Variants in CUX2 observed in about 807,000 individuals in gnomAD.
CUX2 encodes cut like homeobox 2.
In CUX2, 40 loss-of-function variants were observed where a neutral mutation model predicts 144.8. The ratio of observed to expected loss-of-function variants is 0.28; its 90% CI spans 0.21 to 0.36. CUX2 has a LOEUF of 0.36. Among genes scored for constraint, CUX2 ranks in the 10% least tolerant of loss-of-function variants. The pLI is 1.00. For synonymous variants in CUX2, 827 were observed against 875.6 expected (o/e 0.94, Z 0.98); for missense variants, 1,615 against 1,994.0 (o/e 0.81, Z 3.62).
chr12:111,239,758 G>GA (rs201779569), intron 3 of CUX2, among the ~76,000 whole-genome samples: 2,737 of 152,230 alleles, frequency 0.018, 79 homozygotes, highest in African/African-American at 0.062. Context: ...GTGGGGTGGG[G>GA]GAATGGCACC....
At position 111,328,237 on chromosome 12, in the gene CUX2, G is replaced by T. The variant is rs567903154; in HGVS notation, c.2926+5657G>T. 3.3e-5 allele frequency among the ~76,000 whole-genome samples: 5 copies of T among 152,258 alleles called. No individual in the cohort carries two copies. The East Asian group carries it at 7.7e-4, about 24-fold the overall frequency. On this transcript the variant is annotated intron_variant, in intron 18 of 21. Coordinates refer to ENST00000261726, the MANE Select transcript of CUX2 (RefSeq NM_015267.4). ...CCACAAAGTCCCACAGAGTCTGGCT[G>T]TGGGGCTGGGTGTCAGGACCTGTCC...
chr12:111,139,700 G>A (rs1055540055), intron 1 of CUX2, among the ~76,000 whole-genome samples: 1 of 152,200 alleles, frequency 6.6e-6, no homozygotes, highest in Non-Finnish European at 1.5e-5. Context: ...AGGAATAGTT[G>A]TATGCACTGC....
rs140424046 is a variant in CUX2, at chr12:111,120,427, G to A, written c.63+86187G>A. ...CTTCCCCTTAAAACCACAAATAGCCGGGCTTCAGCATCTGCCGTGGACATC... is the reference window on the plus strand; with the variant it reads ...CTTCCCCTTAAAACCACAAATAGCCAGGCTTCAGCATCTGCCGTGGACATC... On this transcript the variant is annotated intron_variant, in intron 1 of 21. Transcript: ENST00000261726. Among the ~76,000 whole-genome samples, 47 of 152,116 alleles carry A rather than the reference G, an allele frequency of 3.1e-4. No homozygotes were observed. The East Asian group carries it at 7.7e-3, about 25-fold the overall frequency.
Position 111,304,185 on chromosome 12 carries a change from G to A in CUX2, c.754-25G>A, listed in dbSNP as rs757341617. On this transcript the variant is annotated intron_variant, in intron 9 of 21. Transcript: ENST00000261726. This position sits in a 1 kb window ranked among gnomAD's most constrained non-coding sequence, Gnocchi z 4.7. Reference sequence around the variant, plus strand: ...GAAGTGCAGAGTGGGCTCACCTCTCGCCCACACTGTCCCCTTCTCCCCAGC... The same window carrying A: ...GAAGTGCAGAGTGGGCTCACCTCTCACCCACACTGTCCCCTTCTCCCCAGC... The A allele has an allele frequency of 1.9e-5, 31 of 1,590,110 alleles. No individual in the cohort carries two copies. Among genetic ancestry groups the A allele is most frequent in the Middle Eastern group, 1.8e-4 (1 of 5,510 alleles).
Position 111,081,130 on chromosome 12 carries a change from G to A in CUX2, c.63+46890G>A, listed in dbSNP as rs114048578. On this transcript the variant is annotated intron_variant, in intron 1 of 21. Transcript: ENST00000261726. ...CCTCAGCCCTCACCATGCTGTCACC[G>A]TTTCCGATTGACTGCTGCAGTGGTG... Among the ~76,000 whole-genome samples, 328 of 152,238 alleles carry A rather than the reference G, an allele frequency of 2.2e-3. 3 individuals carry two copies. The highest frequency in any genetic ancestry group is 7.4e-3 in the African/African-American group (309 of 41,550).
rs997478487 is a variant in CUX2, at chr12:111,348,776, G to A, written c.*451G>A. 3.2e-5 allele frequency: 5 copies of A among 158,312 alleles called. No individual in the cohort carries two copies. The highest frequency in any genetic ancestry group is 1.9e-4 in the South Asian group (1 of 5,150). 9.8% of individuals were successfully genotyped at this position (158,312 alleles called of 1,614,324 possible). On this transcript the variant is annotated 3_prime_UTR_variant, in exon 22 of 22. Coordinates refer to ENST00000261726, the MANE Select transcript of CUX2 (RefSeq NM_015267.4). ...GCGAAGTATACACTGAAGTTGTGTCGTTTTTGCCACTAGATGAGATTAAAA... is the reference window on the plus strand; with the variant it reads ...GCGAAGTATACACTGAAGTTGTGTCATTTTTGCCACTAGATGAGATTAAAA...
chr12:111,323,893 C>CA (rs1486443637), intron 18 of CUX2, among the ~76,000 whole-genome samples: 13 of 152,070 alleles, frequency 8.5e-5, no homozygotes, highest in African/African-American at 3.1e-4. Context: ...CTCATCTCTA[C>CA]AAATAAAAAA....
chr12:111,204,378 TG>T (rs1240123791), intron 1 of CUX2, among the ~76,000 whole-genome samples: 3 of 152,230 alleles, frequency 2.0e-5, no homozygotes, highest in Non-Finnish European at 4.4e-5. Context: ...GCGCAGGACC[TG>T]GGTCTGTCTT....
Position 111,348,477 on chromosome 12 carries a change from A to C in CUX2, c.*152A>C, listed in dbSNP as rs1353909097. On this transcript the variant is annotated 3_prime_UTR_variant, in exon 22 of 22. Coordinates refer to ENST00000261726, the MANE Select transcript of CUX2 (RefSeq NM_015267.4). Reference sequence around the variant, plus strand: ...CGTTTACGTTTTTTGTTGTAATCCTAGTTCTATGAAGCTGTGTGAGCAGGT... The same window carrying C: ...CGTTTACGTTTTTTGTTGTAATCCTCGTTCTATGAAGCTGTGTGAGCAGGT... 1.3e-6 allele frequency: 1 copy of C among 751,806 alleles called. No individual in the cohort carries two copies. Among genetic ancestry groups the C allele is most frequent in the East Asian group, 2.7e-5 (1 of 36,770 alleles). The allele number at this position is 751,806 out of a possible 1,614,324, so 46.6% of individuals were successfully genotyped here.
chr12:111,258,722 A>G (rs762955812), intron 3 of CUX2, among the ~76,000 whole-genome samples: 2 of 151,980 alleles, frequency 1.3e-5, no homozygotes, highest in African/African-American at 4.8e-5. Context: ...GTCTCATTCT[A>G]TTGCTCAGGC....
At position 111,320,075 on chromosome 12, in the gene CUX2, C is replaced by T. The variant is rs868529535; in HGVS notation, c.2066C>T (p.Ser689Leu). 2 of 1,554,212 alleles carry T rather than the reference C, an allele frequency of 1.3e-6. No homozygotes were observed. Among genetic ancestry groups the T allele is most frequent in the East Asian group, 2.4e-5 (1 of 42,402 alleles). The change falls in exon 17 of 22, where the codon TCG becomes TTG. Residue 689 changes from serine to leucine, a missense_variant. Physicochemically the swap from Ser to Leu is moderately radical, Grantham distance 145. Transcript: ENST00000261726. The surrounding 1 kb of genome is among the most constrained non-coding windows in gnomAD (Gnocchi z 8.1). ...IANGTTPAST[S>L]EDAIKSILEQ... Reference sequence around the variant, plus strand: ...AACGGCACGACCCCCGCCAGCACCTCGGAGGACGCCATCAAGAGCATCCTG... The same window carrying T: ...AACGGCACGACCCCCGCCAGCACCTTGGAGGACGCCATCAAGAGCATCCTG...
rs1887489710 is a variant in CUX2, at chr12:111,320,813, G to A, written c.2766+38G>A. 3 of 1,454,696 alleles carry A rather than the reference G, an allele frequency of 2.1e-6. No homozygotes were observed. Among genetic ancestry groups the A allele is most frequent in the Non-Finnish European group, 2.7e-6 (3 of 1,106,898 alleles). The allele number at this position is 1,454,696 out of a possible 1,614,324, so 90.1% of individuals were successfully genotyped here. ...CGGGCCCCCGGTGTCTGGGCTCTGG[G>A]AGAAGATGTCGGAGAAGTAGGATGC... On this transcript the variant is annotated intron_variant, in intron 17 of 21. Transcript: ENST00000261726. The surrounding 1 kb of genome is among the most constrained non-coding windows in gnomAD (Gnocchi z 8.1).
Position 111,052,085 on chromosome 12 carries a change from C to T in CUX2, c.63+17845C>T, listed in dbSNP as rs533559788. On this transcript the variant is annotated intron_variant, in intron 1 of 21. Transcript: ENST00000261726. ...CTATGCTCGCCATGTTCCAGTCACA[C>T]GTGTCTTCTTTGTTTCCCCGGCACC... Among the ~76,000 whole-genome samples the T allele has an allele frequency of 4.2e-4, 64 of 152,192 alleles. No homozygotes were observed. The South Asian group carries it at 0.012, about 30-fold the overall frequency.
rs551640921 is a variant in CUX2, at chr12:111,319,944, T to C, written c.2003-68T>C. On this transcript the variant is annotated intron_variant, in intron 16 of 21. Coordinates refer to ENST00000261726, the MANE Select transcript of CUX2 (RefSeq NM_015267.4). The stretch of plus-strand genomic sequence containing the variant: ...CGTGCTGGCATCAACAGGGATGCTG[T>C]GAACATCGTCCCCTGCATGCCGAGC... 7.8e-6 allele frequency: 11 copies of C among 1,407,758 alleles called. No individual in the cohort carries two copies. The African/African-American group carries it at 1.4e-4, about 17-fold the overall frequency. 87.2% of individuals were successfully genotyped at this position (1,407,758 alleles called of 1,614,324 possible).
At chr12:111,324,600 A>C (rs191737140) in intron 18 of CUX2, among the ~76,000 whole-genome samples, 1 of 152,046 alleles carries the variant, frequency 6.6e-6, no homozygotes, top group East Asian at 2.0e-4. Context: ...TCCCGGGTTC[A>C]AGCGATTCTC....
At chr12:111,281,925 G>A (rs2136315958) in intron 4 of CUX2, among the ~76,000 whole-genome samples, 1 of 152,186 alleles carries the variant, frequency 6.6e-6, no homozygotes, top group African/African-American at 2.4e-5. Context: ...GGGAGGATTA[G>A]CCAGGGTGAG....
intron 1 of CUX2, among the ~76,000 whole-genome samples, chr12:111,120,920 C>T (rs1874615259): frequency 6.6e-6 from 1 of 152,100 alleles, no homozygotes. Context: ...CCAAACCACA[C>T]TGAAACCAGC....
At chr12:111,110,092 A>G (rs1293972132) in intron 1 of CUX2, among the ~76,000 whole-genome samples, 4 of 148,414 alleles carry the variant, frequency 2.7e-5, no homozygotes, top group Non-Finnish European at 5.9e-5. Flanking sequence ...TTTGTTGTCC[A>G]GGCTGGTCTC....
At chr12:111,066,062 A>G (rs1460874789) in intron 1 of CUX2, among the ~76,000 whole-genome samples, 1 of 152,240 alleles carries the variant, frequency 6.6e-6, no homozygotes, top group Non-Finnish European at 1.5e-5. Flanking sequence ...TTCCAGTGTT[A>G]GTGGATAGAG....
Sources: allele counts gnomAD v4.1 joint callset (sites outside exome capture counted in the v4.1 genomes callset), GRCh38; gene constraint gnomAD v4.1.1; non-coding constraint Gnocchi (gnomAD v3.1); transcripts MANE v1.5; gene names NCBI Gene and HGNC (gene_info 2026-07-23, HGNC 2026-07-21).